Variants in SUMF1 observed in about 807,000 individuals in gnomAD.
The protein encoded by SUMF1 is formylglycine-generating enzyme.
A neutral mutation model predicts 47.6 loss-of-function variants in SUMF1; 48 were observed. The observed-to-expected ratio is 1.01, with a 90% CI of 0.80 to 1.28. The LOEUF (loss-of-function observed/expected upper bound fraction) is 1.28, where lower values mean the gene tolerates loss of function less well. Ranked by LOEUF, SUMF1 falls within the 50% of genes most tolerant of loss-of-function variation. The pLI is 0.00. For synonymous variants in SUMF1, 230 were observed against 192.1 expected (o/e 1.20, Z -1.63); for missense variants, 571 against 485.4 (o/e 1.18, Z -1.66).
intron 8 of SUMF1, chr3:4,316,457 A>G (rs1445812352): frequency 6.2e-7 from 1 of 1,604,136 alleles, no homozygotes. Flanking sequence ...CAATCATCGA[A>G]GCTGATCCCC....
At chr3:4,132,213 C>T (rs1009710137) in intron 8 of SUMF1, among the ~76,000 whole-genome samples, 2 of 152,144 alleles carry the variant, frequency 1.3e-5, no homozygotes, top group African/African-American at 4.8e-5. Flanking sequence ...ACTCACAGAA[C>T]GCCTCACCTA....
chr3:4,347,159 G>A (rs1699391094), intron 8 of SUMF1, among the ~76,000 whole-genome samples: 1 of 152,186 alleles, frequency 6.6e-6, no homozygotes, highest in South Asian at 2.1e-4. Context: ...TTGAAAAGAA[G>A]GAACTCTTCC....
At chr3:4,453,085 C>G (rs1181069997) in intron 1 of SUMF1, 36 bp from the exon 2 acceptor site, 1 of 1,592,772 alleles carries the variant, frequency 6.3e-7, no homozygotes, top group Non-Finnish European at 8.5e-7. Flanking sequence ...AGTCATGCAT[C>G]ACAGCCAAGG....
intron 3 of SUMF1, among the ~76,000 whole-genome samples, chr3:4,438,323 G>A (rs1702469820): frequency 6.6e-6 from 1 of 151,964 alleles, no homozygotes; most frequent in Non-Finnish European, 1.5e-5. Context: ...AAACTCTAAT[G>A]AGGCTCCTCT....
At chr3:4,093,366 C>T (rs907547781) in intron 8 of SUMF1, among the ~76,000 whole-genome samples, 1 of 152,020 alleles carries the variant, frequency 6.6e-6, no homozygotes, top group Non-Finnish European at 1.5e-5. Context: ...GCCACAAAAA[C>T]TCTCACTCTG....
intron 8 of SUMF1, chr3:4,303,827 G>C (rs889469897): frequency 2.2e-6 from 3 of 1,362,224 alleles, no homozygotes; most frequent in South Asian, 1.2e-5. Flanking sequence ...AGGCATCACG[G>C]GGGGAGTCAT....
chr3:4,204,582 T>C (rs569601979), intron 8 of SUMF1, among the ~76,000 whole-genome samples: 1 of 152,268 alleles, frequency 6.6e-6, no homozygotes, highest in African/African-American at 2.4e-5. Context: ...CCAATCTTTC[T>C]CTCTACCTCC....
rs552677013 is a variant in SUMF1, at chr3:4,081,041, C to T, written c.1015-12296G>A. On this transcript the variant is annotated intron_variant and NMD_transcript_variant, in intron 8 of 12. Coordinates refer to the SUMF1 transcript ENST00000448413. The stretch of plus-strand genomic sequence containing the variant: ...TTTAAAGGACTCAATACACATTAAG[C>T]GTTTAGCCCAGTGACTGCCCAGGTT... Among the ~76,000 whole-genome samples, 16 of 152,120 alleles carry T rather than the reference C, an allele frequency of 1.1e-4. No homozygotes were observed. The East Asian group carries it at 1.5e-3, about 15-fold the overall frequency.
chr3:4,317,283 T>A, intron 8 of SUMF1: 1 of 1,401,384 alleles, frequency 7.1e-7, no homozygotes. Flanking sequence ...TGATTTAAAA[T>A]TCACAGTCCA....
At chr3:4,443,495 G>A (rs567091433) in intron 3 of SUMF1, among the ~76,000 whole-genome samples, 187 of 152,264 alleles carry the variant, frequency 1.2e-3, no homozygotes, top group Admixed American at 2.1e-3. Flanking sequence ...CAGGCATGGT[G>A]GCTGATGCAC....
intron 8 of SUMF1, among the ~76,000 whole-genome samples, chr3:4,105,289 G>T (rs927233655): frequency 1.3e-5 from 2 of 152,056 alleles, no homozygotes; most frequent in African/African-American, 2.4e-5. Context: ...TAAACAAAAG[G>T]AATAAGATTT....
At chr3:4,352,306 A>C (rs552767585) in intron 8 of SUMF1, among the ~76,000 whole-genome samples, 189 of 152,250 alleles carry the variant, frequency 1.2e-3, no homozygotes, top group African/African-American at 4.1e-3. Context: ...GTTCCCCCCC[A>C]AAAACTACTC....
At chr3:4,174,808 G>GA (rs1432846083) in intron 8 of SUMF1, among the ~76,000 whole-genome samples, 1 of 152,016 alleles carries the variant, frequency 6.6e-6, no homozygotes, top group Non-Finnish European at 1.5e-5. Flanking sequence ...AGACTACCTG[G>GA]AAAAAAGGGA....
intron 9 of SUMF1, among the ~76,000 whole-genome samples, chr3:4,040,999 G>C (rs1000601094): frequency 6.6e-6 from 1 of 152,202 alleles, no homozygotes. Flanking sequence ...GGGGTCTGAA[G>C]TTTATGGCAG....
At chr3:4,102,987 A>G (rs1693071725) in intron 8 of SUMF1, among the ~76,000 whole-genome samples, 1 of 151,702 alleles carries the variant, frequency 6.6e-6, no homozygotes, top group African/African-American at 2.4e-5. Flanking sequence ...TAGTAGTGCA[A>G]TCTCAGCTCA....
intron 9 of SUMF1, among the ~76,000 whole-genome samples, chr3:4,039,576 T>C (rs980528216): frequency 1.1e-4 from 17 of 150,046 alleles, no homozygotes; most frequent in Middle Eastern, 3.4e-3. Context: ...GGCTGCATAG[T>C]ATTCCATGGT....
At chr3:4,353,389 A>C (rs1296518059) in intron 8 of SUMF1, among the ~76,000 whole-genome samples, 1 of 152,076 alleles carries the variant, frequency 6.6e-6, no homozygotes, top group African/African-American at 2.4e-5. Context: ...AGTAGCTGGG[A>C]CTACAGGCAC....
At chr3:4,054,868 A>T (rs1422028806) in intron 9 of SUMF1, among the ~76,000 whole-genome samples, 1 of 152,200 alleles carries the variant, frequency 6.6e-6, no homozygotes, top group Non-Finnish European at 1.5e-5. Flanking sequence ...CAGATGTGCA[A>T]TATAGGTGTT....
intron 8 of SUMF1, among the ~76,000 whole-genome samples, chr3:4,328,705 C>A (rs942393078): frequency 6.6e-6 from 1 of 152,146 alleles, no homozygotes; most frequent in African/African-American, 2.4e-5. Context: ...CTCACCCCTA[C>A]CAAATCTCAC....
Sources: gnomAD v4.1 joint callset for allele counts (sites outside exome capture counted in the v4.1 genomes callset) on GRCh38, gnomAD v4.1.1 for gene constraint, MANE v1.5 for transcripts, NCBI Gene and HGNC (gene_info 2026-07-23, HGNC 2026-07-21) for gene names.